Variants in NPIPB8 observed in about 807,000 individuals in gnomAD.
NPIPB8 encodes nuclear pore complex interacting protein family member B8, also known as nuclear pore complex-interacting protein family member B8.
In NPIPB8, 3 loss-of-function variants were observed where a neutral mutation model predicts 5.3. That is an observed-to-expected ratio of 0.57 (90% CI 0.26 to 1.47). The LOEUF is 1.47. Among genes scored for constraint, NPIPB8 ranks in the 40% most tolerant of loss-of-function variants. The pLI is 0.13. For synonymous variants in NPIPB8, 18 were observed against 23.0 expected (o/e 0.78, Z 0.62); for missense variants, 50 against 50.2 (o/e 1.00, Z 0.01).
At chr16:28,639,896 C>T (rs1414874885) in intron 2 of NPIPB8, among the ~76,000 whole-genome samples, 1 of 150,266 alleles carries the variant, frequency 6.7e-6, no homozygotes, top group Non-Finnish European at 1.5e-5. Context: ...TAACACTTTA[C>T]TGCATTGTCT....
chr16:28,640,982 T>A (rs1393005783), intron 2 of NPIPB8, among the ~76,000 whole-genome samples: 1 of 152,068 alleles, frequency 6.6e-6, no homozygotes, highest in African/African-American at 2.4e-5. Context: ...AGTCTCCTGT[T>A]CCTTTCAGAT....
At chr16:28,645,197 A>G (rs1361243234) in intron 2 of NPIPB8, among the ~76,000 whole-genome samples, 2 of 130,510 alleles carry the variant, frequency 1.5e-5, no homozygotes, top group African/African-American at 5.6e-5. Flanking sequence ...CGCCTGGCTA[A>G]TTTTTGTATT....
chr16:28,651,604 TTGTGTGTGTGTG>T (rs533825986), intron 3 of NPIPB8, among the ~76,000 whole-genome samples: 2 of 39,154 alleles, frequency 5.1e-5, no homozygotes, highest in African/African-American at 2.6e-4. Flanking sequence ...CATGTCATTC[TTGTGTGTGTGTG>T]TGTGTGTGTG....
chr16:28,642,119 G>C (rs1404231056), intron 2 of NPIPB8, among the ~76,000 whole-genome samples: 2 of 117,954 alleles, frequency 1.7e-5, no homozygotes, highest in African/African-American at 6.7e-5. Context: ...TTTTTTTTTT[G>C]AGACAGAGTC....
At position 28,638,379 on chromosome 16, in the gene NPIPB8, G is replaced by C. The variant is rs772841857; in HGVS notation, c.19G>C (p.Val7Leu). ...TCTGCAAATGGTGAAGCTCTCTATT[G>C]TCCTGACCCCACAGTTCCTGTCCCA... MVKLSI[V>L]LTPQFLSHDQ... The change falls in exon 2 of 8, where the codon GTC (valine) becomes CTC (leucine). Residue 7 changes from valine (V) to leucine (L), a missense_variant. Physicochemically the swap from Val to Leu is conservative, Grantham distance 32 (BLOSUM62 1). Coordinates refer to ENST00000683297, the MANE Select transcript of NPIPB8 (RefSeq NM_001310136.2). 1.9e-4 allele frequency: 292 copies of C among 1,567,580 alleles called. No individual in the cohort carries two copies. The highest frequency in any genetic ancestry group is 2.4e-4 in the Non-Finnish European group (282 of 1,164,100).
intron 5 of NPIPB8, among the ~76,000 whole-genome samples, chr16:28,653,155 C>T (rs2048073080): frequency 8.8e-6 from 1 of 113,234 alleles, no homozygotes; most frequent in South Asian, 2.5e-4. Context: ...TCACTGCAAC[C>T]TCCGCCTCCC....
intron 2 of NPIPB8, among the ~76,000 whole-genome samples, chr16:28,640,264 A>G (rs968524461): frequency 3.3e-5 from 5 of 151,600 alleles, no homozygotes; most frequent in Admixed American, 6.6e-5. Flanking sequence ...GCCCCAAACG[A>G]TGGAAATGTA....
chr16:28,642,017 C>T (rs1485635601), intron 2 of NPIPB8, among the ~76,000 whole-genome samples: 1 of 151,082 alleles, frequency 6.6e-6, no homozygotes, highest in Non-Finnish European at 1.5e-5. Flanking sequence ...TTATAGTACT[C>T]TCTGCCATTC....
chr16:28,642,907 T>C (rs1315927905), intron 2 of NPIPB8, among the ~76,000 whole-genome samples: 2 of 152,114 alleles, frequency 1.3e-5, no homozygotes, highest in Non-Finnish European at 2.9e-5. Context: ...TCATAGTAAA[T>C]GGTAAAGGGA....
At chr16:28,639,690 T>A (rs2047859656) in intron 2 of NPIPB8, among the ~76,000 whole-genome samples, 1 of 145,612 alleles carries the variant, frequency 6.9e-6, no homozygotes. Context: ...CCTGACCTCG[T>A]GATCTGCCCA....
At chr16:28,641,708 C>T (rs957499727) in intron 2 of NPIPB8, among the ~76,000 whole-genome samples, 2 of 128,854 alleles carry the variant, frequency 1.6e-5, no homozygotes, top group African/African-American at 5.8e-5. Flanking sequence ...ATTGCTTCCT[C>T]CTATCCTCAG....
chr16:28,644,563 C>T (rs766770254), intron 2 of NPIPB8: 6 of 1,526,932 alleles, frequency 3.9e-6, no homozygotes, highest in Non-Finnish European at 4.4e-6. Context: ...TCCTGGACAC[C>T]TCAGGGCGCC....
intron 5 of NPIPB8, among the ~76,000 whole-genome samples, chr16:28,653,305 T>C (rs2048076318): frequency 1.8e-5 from 1 of 54,468 alleles, no homozygotes; most frequent in Non-Finnish European, 3.4e-5. Context: ...GCCAAGCTGG[T>C]CTAGAACTCT....
At chr16:28,642,246 C>A (rs1258368640) in intron 2 of NPIPB8, among the ~76,000 whole-genome samples, 2 of 151,700 alleles carry the variant, frequency 1.3e-5, no homozygotes, top group Non-Finnish European at 2.9e-5. Flanking sequence ...GCTGGGATTA[C>A]AGGTGTGTGC....
chr16:28,638,202 C>A, intron 1 of NPIPB8, 52 bp downstream of exon 1: 2 of 1,255,046 alleles, frequency 1.6e-6, no homozygotes, highest in Non-Finnish European at 2.1e-6. Context: ...ATTCAAAGTA[C>A]AGGAATTTGA....
chr16:28,644,561 A>C lies in NPIPB8; in HGVS notation c.121-3574A>C, dbSNP rs761646544. On this transcript the variant is annotated intron_variant, in intron 2 of 7. Coordinates refer to ENST00000683297, the MANE Select transcript of NPIPB8 (RefSeq NM_001310136.2). ...AGCCACCTCCACCTCTGTCCTGGAC[A>C]CCTCAGGGCGCCCTGAAAGGACCAG... is the stretch of plus-strand genomic sequence containing the variant. 4.1e-6 allele frequency: 6 copies of C among 1,466,324 alleles called. 1 individual carries two copies. Among genetic ancestry groups the C allele is most frequent in the Non-Finnish European group, 3.6e-6 (4 of 1,104,566 alleles). The allele number at this position is 1,466,324 out of a possible 1,614,324, so 90.8% of individuals were successfully genotyped here. A position where few individuals can be genotyped will look rare whatever the true frequency, so the allele number is the denominator to read the frequency against.
chr16:28,652,761 C>T (rs1172372944), intron 5 of NPIPB8, among the ~76,000 whole-genome samples: 2 of 136,460 alleles, frequency 1.5e-5, no homozygotes, highest in South Asian at 4.3e-4. Context: ...ACCACCATGC[C>T]CAGCTAATTT....
intron 2 of NPIPB8, among the ~76,000 whole-genome samples, chr16:28,641,429 C>T (rs1421902970): frequency 6.9e-6 from 1 of 144,248 alleles, no homozygotes; most frequent in African/African-American, 2.5e-5. Context: ...AGCATCCCAG[C>T]CTAGGCCCAA....
chr16:28,642,940 G>C (rs888954324), intron 2 of NPIPB8, among the ~76,000 whole-genome samples: 23 of 152,178 alleles, frequency 1.5e-4, no homozygotes, highest in Non-Finnish European at 2.4e-4. Context: ...GTTTTCAGCT[G>C]CCAGAGGCCT....
Sources: gnomAD v4.1 joint callset for allele counts (sites outside exome capture counted in the v4.1 genomes callset) on GRCh38, gnomAD v4.1.1 for gene constraint, MANE v1.5 for transcripts, NCBI Gene and HGNC (gene_info 2026-07-23, HGNC 2026-07-21) for gene names.